STK33: variants seen among roughly 807,000 people sequenced by gnomAD.
The protein encoded by STK33 is serine/threonine kinase 33.
A neutral mutation model predicts 58.0 loss-of-function variants in STK33; 52 were observed. That is an observed-to-expected ratio of 0.90 (90% confidence interval 0.72 to 1.13). STK33 has a LOEUF of 1.13. STK33 is among the 50% of genes most tolerant of loss of function. The pLI, the probability that STK33 is intolerant of heterozygous loss-of-function variation, is 0.00. For synonymous variants in STK33, 215 were observed against 200.1 expected (o/e 1.07, Z -0.63); for missense variants, 630 against 604.2 (o/e 1.04, Z -0.45).
chr11:8,490,141 T>C (rs964999962), intron 1 of STK33, among the ~76,000 whole-genome samples: 2 of 152,022 alleles, frequency 1.3e-5, no homozygotes, highest in Non-Finnish European at 2.9e-5. Flanking sequence ...AGTGCAGGGG[T>C]CGAGGGATTT....
At chr11:8,483,668 T>C (rs566025954) in intron 1 of STK33, among the ~76,000 whole-genome samples, 87 of 152,236 alleles carry the variant, frequency 5.7e-4, no homozygotes, top group African/African-American at 1.9e-3. Flanking sequence ...ATATAAACTG[T>C]AAAGCTAAAG....
chr11:8,501,192 C>G (rs765973971), intron 1 of STK33, among the ~76,000 whole-genome samples: 1 of 152,086 alleles, frequency 6.6e-6, no homozygotes, highest in African/African-American at 2.4e-5. Context: ...AAAATAGATA[C>G]ATGGACTTTA....
At chr11:8,543,375 A>C (rs1955672218) in intron 1 of STK33, among the ~76,000 whole-genome samples, 1 of 152,258 alleles carries the variant, frequency 6.6e-6, no homozygotes, top group South Asian at 2.1e-4. Flanking sequence ...CAAATTTACA[A>C]GTCAAAACCA....
the STK33 span, among the ~76,000 whole-genome samples, chr11:8,385,769 A>G: frequency 6.7e-6 from 1 of 149,494 alleles, no homozygotes; most frequent in South Asian, 2.1e-4. Context: ...TGAGTCTCTC[A>G]ATCCAGTTCC....
chr11:8,513,383 C>T (rs1028480319), intron 1 of STK33, among the ~76,000 whole-genome samples: 1 of 152,182 alleles, frequency 6.6e-6, no homozygotes, highest in East Asian at 1.9e-4. Context: ...CCTCAAGAAG[C>T]TCTCCCTCTC....
chr11:8,449,917 G>C (rs948957423), intron 11 of STK33, among the ~76,000 whole-genome samples: 2 of 152,210 alleles, frequency 1.3e-5, no homozygotes, highest in Non-Finnish European at 2.9e-5. Flanking sequence ...ATGCTGGAGA[G>C]GATGTGGAGA....
the STK33 span, among the ~76,000 whole-genome samples, chr11:8,373,093 G>C: frequency 1.2e-3 from 187 of 152,332 alleles, 1 homozygote; most frequent in African/African-American, 4.0e-3. Context: ...TCTGGACCTT[G>C]GCTGGGATGA....
At chr11:8,452,146 T>C (rs1946357630) in intron 11 of STK33, among the ~76,000 whole-genome samples, 1 of 151,992 alleles carries the variant, frequency 6.6e-6, no homozygotes, top group African/African-American at 2.4e-5. Context: ...GAGGTTGCAG[T>C]GAGCCCAGAC....
chr11:8,410,455 ATTTTC>A, intron 15 of STK33, among the ~76,000 whole-genome samples: 1 of 129,748 alleles, frequency 7.7e-6, no homozygotes, highest in South Asian at 2.6e-4. Context: ...GCAAAAATCT[ATTTTC>A]TTTTCTTTTC....
At chr11:8,341,812 G>A in the STK33 span, among the ~76,000 whole-genome samples, 1 of 152,206 alleles carries the variant, frequency 6.6e-6, no homozygotes, top group Non-Finnish European at 1.5e-5. Context: ...CCTGGAAAAT[G>A]GAATGATAAA....
At chr11:8,357,000 G>A in the STK33 span, among the ~76,000 whole-genome samples, 1 of 152,194 alleles carries the variant, frequency 6.6e-6, no homozygotes, top group African/African-American at 2.4e-5. Flanking sequence ...TTAAATGAAG[G>A]TGGAGGCGCT....
intron 1 of STK33, among the ~76,000 whole-genome samples, chr11:8,540,520 GTATACACACACGCA>G (rs1449882042): frequency 6.6e-6 from 1 of 151,926 alleles, no homozygotes; most frequent in African/African-American, 2.4e-5. Context: ...ACAGTGGTGT[GTATACACACACGCA>G]TATACACACA....
rs1397631442 is a variant in STK33 at position 8,594,193 on chromosome 11, AG to A, written c.-577del. On this transcript the variant is annotated 5_prime_UTR_variant, in exon 1 of 16. Transcript: ENST00000687296. ...ACTTTTCAGCCCGCAGAGCAACCGC[AG>A]GGCAGTGGACGGGGGCCGCGCGAGG... The A allele has an allele frequency of 6.6e-6, 1 of 152,308 alleles. No homozygotes were observed. The highest frequency in any genetic ancestry group is 1.9e-4 in the East Asian group (1 of 5,196). The allele number at this position is 152,308 out of a possible 1,614,324, so 9.4% of individuals were successfully genotyped here.
At chr11:8,366,629 T>C in the STK33 span, among the ~76,000 whole-genome samples, 3 of 152,188 alleles carry the variant, frequency 2.0e-5, no homozygotes, top group African/African-American at 7.2e-5. Context: ...AGGTGGGGCC[T>C]GACCACAGTC....
chr11:8,380,364 A>T, the STK33 span, among the ~76,000 whole-genome samples: 1 of 152,188 alleles, frequency 6.6e-6, no homozygotes, highest in African/African-American at 2.4e-5. Context: ...CTTCAAGACC[A>T]GCCTGGCCAA....
chr11:8,367,187 G>A, the STK33 span, among the ~76,000 whole-genome samples: 13 of 152,244 alleles, frequency 8.5e-5, no homozygotes, highest in Non-Finnish European at 1.8e-4. Context: ...TCTACATCAT[G>A]TTTGTAGACA....
intron 1 of STK33, among the ~76,000 whole-genome samples, chr11:8,498,370 A>T (rs12577287): frequency 0.26 from 39,888 of 151,898 alleles, 5,416 homozygotes; most frequent in African/African-American, 0.33. Context: ...TACCTAAGAA[A>T]ACAACTTACA....
intron 15 of STK33, among the ~76,000 whole-genome samples, chr11:8,406,142 CAAAAAAAAAAA>C (rs59336494): frequency 0.24 from 22,306 of 94,740 alleles, 2,280 homozygotes; most frequent in East Asian, 0.43. Context: ...GACTCCGTCT[CAAAAAAAAAAA>C]AAAAAAAAAA....
At chr11:8,562,865 C>A (rs1330885794) in intron 1 of STK33, among the ~76,000 whole-genome samples, 1 of 152,110 alleles carries the variant, frequency 6.6e-6, no homozygotes, top group Non-Finnish European at 1.5e-5. Context: ...TAGTTCCTAC[C>A]CTCTTGGAGC....
Sources: allele counts gnomAD v4.1 joint callset (sites outside exome capture counted in the v4.1 genomes callset), GRCh38; gene constraint gnomAD v4.1.1; transcripts MANE v1.5; gene names NCBI Gene and HGNC (gene_info 2026-07-23, HGNC 2026-07-21).